Variants in FSIP1 observed in about 807,000 individuals in gnomAD.
FSIP1 encodes the protein fibrous sheath interacting protein 1.
FSIP1 carries 65 observed loss-of-function variants against 60.9 expected under a neutral mutation model. The observed-to-expected ratio is 1.07, with a 90% CI of 0.87 to 1.31. The LOEUF (loss-of-function observed/expected upper bound fraction) is 1.31, where lower values mean the gene tolerates loss of function less well. Ranked by LOEUF, FSIP1 falls within the 40% of genes most tolerant of loss-of-function variation. The pLI is 0.00. For missense variants in FSIP1, 675 were observed against 665.5 expected, an observed-to-expected ratio of 1.01 and a Z score of -0.16; for synonymous variants, 209 against 221.2, an observed-to-expected ratio of 0.94 and a Z score of 0.49.
intron 10 of FSIP1, among the ~76,000 whole-genome samples, chr15:39,646,996 T>A (rs1892643436): frequency 6.6e-6 from 1 of 152,232 alleles, no homozygotes; most frequent in Non-Finnish European, 1.5e-5. Flanking sequence ...TTATTTCATT[T>A]ATATATGGAA....
At chr15:39,706,178 C>T (rs912087468) in intron 10 of FSIP1, among the ~76,000 whole-genome samples, 10 of 151,950 alleles carry the variant, frequency 6.6e-5, no homozygotes, top group African/African-American at 1.2e-4. Flanking sequence ...TTGGTTTCCT[C>T]GGGCATTATT....
chr15:39,683,666 G>A (rs943924093), intron 10 of FSIP1, among the ~76,000 whole-genome samples: 7 of 152,304 alleles, frequency 4.6e-5, no homozygotes, highest in Admixed American at 4.6e-4. Context: ...ACTGGCTATG[G>A]AGAAAATCCC....
chr15:39,718,364 G>C (rs1159935927), intron 9 of FSIP1, among the ~76,000 whole-genome samples: 2 of 151,890 alleles, frequency 1.3e-5, no homozygotes, highest in African/African-American at 2.4e-5. Context: ...TAGAGAAATA[G>C]ACTGGAAGGA....
At chr15:39,684,633 T>C (rs769638135) in intron 10 of FSIP1, among the ~76,000 whole-genome samples, 2 of 152,216 alleles carry the variant, frequency 1.3e-5, no homozygotes, top group Non-Finnish European at 1.5e-5. Flanking sequence ...TAGAATGTCT[T>C]TTCCTAAATA....
At chr15:39,613,909 C>T (rs1891123429) in intron 11 of FSIP1, among the ~76,000 whole-genome samples, 2 of 152,110 alleles carry the variant, frequency 1.3e-5, no homozygotes, top group East Asian at 3.9e-4. Flanking sequence ...AACACCATTT[C>T]ATGATAAAAA....
Position 39,765,680 on chromosome 15 carries a change from T to C in FSIP1, c.377A>G (p.Asp126Gly). The change falls in exon 4 of 12, where the codon GAT becomes GGT. Residue 126 changes from aspartate to glycine, a missense_variant. Asp to Gly is a moderately conservative substitution (Grantham distance 94, BLOSUM62 -1). Transcript: ENST00000350221. ...QDAIQKMKKL[D>G]KILAKKQRRE... ...GCGTTGTTTCTTTGCCAATATTTTA[T>C]CAAGTTTTTTCATCTTCTGAATAGC... 1.3e-6 allele frequency: 2 copies of C among 1,585,778 alleles called. No homozygotes were observed. The highest frequency in any genetic ancestry group is 1.7e-6 in the Non-Finnish European group (2 of 1,157,190).
intron 5 of FSIP1, among the ~76,000 whole-genome samples, chr15:39,762,215 A>T (rs1440778566): frequency 6.6e-6 from 1 of 152,230 alleles, no homozygotes; most frequent in East Asian, 1.9e-4. Flanking sequence ...TATTCTCTAC[A>T]GTTCTACAAG....
At chr15:39,656,868 G>T (rs1265018169) in intron 10 of FSIP1, among the ~76,000 whole-genome samples, 2 of 152,206 alleles carry the variant, frequency 1.3e-5, no homozygotes, top group African/African-American at 4.8e-5. Flanking sequence ...GATCATGTGT[G>T]CCTCCATTTC....
chr15:39,640,728 A>C (rs1383611599), intron 10 of FSIP1, among the ~76,000 whole-genome samples: 2 of 80,394 alleles, frequency 2.5e-5, no homozygotes, highest in Non-Finnish European at 4.3e-5. Flanking sequence ...ATTTACAGAC[A>C]AAAAAAAAAA....
intron 9 of FSIP1, among the ~76,000 whole-genome samples, chr15:39,725,254 T>C (rs189550469): frequency 1.6e-4 from 25 of 152,242 alleles, no homozygotes; most frequent in South Asian, 2.1e-4. Flanking sequence ...TACAAAGTCC[T>C]GGGACACATT....
chr15:39,644,241 A>C (rs1333005480), intron 10 of FSIP1, among the ~76,000 whole-genome samples: 1 of 151,998 alleles, frequency 6.6e-6, no homozygotes, highest in Non-Finnish European at 1.5e-5. Flanking sequence ...TGTCCCGAAC[A>C]CTTCCCCTCG....
intron 8 of FSIP1, among the ~76,000 whole-genome samples, chr15:39,731,553 G>C (rs1896404179): frequency 1.3e-5 from 2 of 152,196 alleles, no homozygotes; most frequent in South Asian, 4.1e-4. Context: ...AAATTCACCA[G>C]AAATGTATAT....
intron 10 of FSIP1, among the ~76,000 whole-genome samples, chr15:39,701,757 G>A (rs139790732): frequency 7.9e-5 from 12 of 152,208 alleles, no homozygotes; most frequent in South Asian, 2.1e-4. Context: ...TGCAGTCTAC[G>A]TGGAACTGAC....
intron 10 of FSIP1, among the ~76,000 whole-genome samples, chr15:39,619,887 G>A (rs1188208164): frequency 1.3e-5 from 2 of 152,106 alleles, no homozygotes; most frequent in African/African-American, 4.8e-5. Flanking sequence ...ATTAGAGCAG[G>A]AGGAGGTCTC....
chr15:39,622,963 G>T (rs1891497782), intron 10 of FSIP1, among the ~76,000 whole-genome samples: 2 of 151,878 alleles, frequency 1.3e-5, no homozygotes, highest in Admixed American at 6.6e-5. Context: ...TTATGCAAAT[G>T]TACACAGTGT....
At chr15:39,757,496 T>A (rs1023754023) in intron 5 of FSIP1, among the ~76,000 whole-genome samples, 1 of 152,108 alleles carries the variant, frequency 6.6e-6, no homozygotes, top group African/African-American at 2.4e-5. Context: ...TCTTTTAGAA[T>A]AAGGTAATAG....
intron 6 of FSIP1, 73 bp from the exon 7 acceptor site, chr15:39,739,862 A>G (rs1566909100): frequency 4.6e-6 from 4 of 863,648 alleles, no homozygotes; most frequent in Non-Finnish European, 6.8e-6. Context: ...CTTTAAGCAT[A>G]TATTAAAATA....
intron 10 of FSIP1, among the ~76,000 whole-genome samples, chr15:39,655,498 C>CCATT (rs368238499): frequency 0.012 from 1,775 of 152,218 alleles, 41 homozygotes; most frequent in African/African-American, 0.039. Context: ...GACTAACAAT[C>CCATT]CATTCATTCA....
chr15:39,777,435 T>G (rs1284484403), intron 1 of FSIP1, among the ~76,000 whole-genome samples: 1 of 152,192 alleles, frequency 6.6e-6, no homozygotes, highest in Non-Finnish European at 1.5e-5. Flanking sequence ...AAAGGACAGA[T>G]TTTCATTATC....
Sources: gnomAD v4.1 joint callset for allele counts (sites outside exome capture counted in the v4.1 genomes callset) on GRCh38, gnomAD v4.1.1 for gene constraint, MANE v1.5 for transcripts, NCBI Gene and HGNC (gene_info 2026-07-23, HGNC 2026-07-21) for gene names.